Variants in ITGA1 observed in about 807,000 individuals in gnomAD.
The protein encoded by ITGA1 is integrin subunit alpha 1.
In ITGA1, 85 loss-of-function variants were observed where a neutral mutation model predicts 145.9. The observed-to-expected ratio is 0.58, with a 90% CI of 0.49 to 0.70. ITGA1 has a LOEUF of 0.70. Ranked by LOEUF, ITGA1 falls within the 30% of genes least tolerant of loss-of-function variation. The pLI, the probability that ITGA1 is intolerant of heterozygous loss-of-function variation, is 0.00. For missense variants in ITGA1, 1,351 were observed against 1,418.7 expected (o/e 0.95, Z 0.77); for synonymous variants, 520 against 495.3 (o/e 1.05, Z -0.66).
At chr5:52,912,786 G>C (rs1037041708) in intron 14 of ITGA1, among the ~76,000 whole-genome samples, 1 of 146,140 alleles carries the variant, frequency 6.8e-6, no homozygotes, top group African/African-American at 2.6e-5. Context: ...TCGCTCTGTC[G>C]CCCAGGCTAG....
At chr5:52,949,532 G>C (rs188894949) in intron 28 of ITGA1, among the ~76,000 whole-genome samples, 1 of 152,242 alleles carries the variant, frequency 6.6e-6, no homozygotes, top group Admixed American at 6.5e-5. Context: ...ATGATTACTA[G>C]CTAGTAAATG....
At chr5:52,914,610 G>T (rs1038827341) in intron 14 of ITGA1, among the ~76,000 whole-genome samples, 1 of 151,608 alleles carries the variant, frequency 6.6e-6, no homozygotes, top group Non-Finnish European at 1.5e-5. Context: ...AAAAAAAAAG[G>T]GGGGGAAATA....
chr5:52,869,401 T>A (rs914956325), intron 6 of ITGA1, among the ~76,000 whole-genome samples: 1 of 152,208 alleles, frequency 6.6e-6, no homozygotes, highest in Admixed American at 6.5e-5. Context: ...CCACAGATGA[T>A]CCGCCTGCCT....
intron 12 of ITGA1, among the ~76,000 whole-genome samples, chr5:52,906,642 G>T (rs1750413400): frequency 6.6e-6 from 1 of 152,110 alleles, no homozygotes; most frequent in Non-Finnish European, 1.5e-5. Context: ...GGGAACTTTT[G>T]TTTCTAAAAA....
intron 1 of ITGA1, among the ~76,000 whole-genome samples, chr5:52,838,472 T>TTA (rs1458766075): frequency 6.6e-6 from 1 of 152,180 alleles, no homozygotes; most frequent in African/African-American, 2.4e-5. Context: ...GACCTTAATT[T>TTA]ATTAATGTTA....
Position 52,897,528 on chromosome 5 carries a change from G to A in ITGA1, c.1164G>A (p.Gln388=). The A allele has an allele frequency of 6.2e-7, 1 of 1,610,826 alleles. No individual in the cohort carries two copies. The highest frequency in any genetic ancestry group is 8.5e-7 in the Non-Finnish European group (1 of 1,177,352). Residue 388 remains glutamine (Q), a splice_region_variant and synonymous_variant, in exon 10 of 29, where the codon CAG becomes CAA. Transcript: ENST00000282588. ...CTGGCTTCAGTGCTCATTATTCACA[G>A]GTATGTTGACCAGTTGGTGAAAAAT... ...SQTGFSAHYS[Q]DWVMLGAVGA...
At chr5:52,872,464 C>T (rs1749791968) in intron 6 of ITGA1, among the ~76,000 whole-genome samples, 1 of 152,004 alleles carries the variant, frequency 6.6e-6, no homozygotes, top group African/African-American at 2.4e-5. Context: ...AATAACTCTT[C>T]TTGTTGCCTG....
intron 1 of ITGA1, among the ~76,000 whole-genome samples, chr5:52,838,843 T>C (rs547861699): frequency 6.6e-6 from 1 of 152,288 alleles, no homozygotes; most frequent in South Asian, 2.1e-4. Flanking sequence ...ACGCCTGTAA[T>C]CCCAGCACTT....
rs77966548 is a variant in ITGA1 at position 52,807,911 on chromosome 5, A to G, written c.61+19497A>G. On this transcript the variant is annotated intron_variant, in intron 1 of 28. Transcript: ENST00000282588. ...TAATGACTCACCTTAAGTAGCTAGA[A>G]CTATGCTACCCCTGGGTATGCAAGG... 2.8e-3 allele frequency among the ~76,000 whole-genome samples: 425 copies of G among 152,298 alleles called. 2 individuals are homozygous for G. The highest frequency in any genetic ancestry group is 5.1e-3 in the Non-Finnish European group (349 of 68,018).
At chr5:52,814,191 G>T (rs1186305737) in intron 1 of ITGA1, among the ~76,000 whole-genome samples, 1 of 152,166 alleles carries the variant, frequency 6.6e-6, no homozygotes, top group Non-Finnish European at 1.5e-5. Flanking sequence ...CTGTCACCCA[G>T]GCTGGAGTGC....
At chr5:52,817,943 T>C (rs1748803877) in intron 1 of ITGA1, among the ~76,000 whole-genome samples, 1 of 152,170 alleles carries the variant, frequency 6.6e-6, no homozygotes, top group African/African-American at 2.4e-5. Context: ...GACTCTATCA[T>C]GGTATGGCAA....
intron 1 of ITGA1, among the ~76,000 whole-genome samples, chr5:52,794,534 C>CA (rs1195412020): frequency 2.0e-5 from 3 of 150,640 alleles, no homozygotes; most frequent in Non-Finnish European, 4.5e-5. Context: ...CACACACACA[C>CA]ACTTCTGTTC....
intron 1 of ITGA1, among the ~76,000 whole-genome samples, chr5:52,842,934 C>T (rs542601848): frequency 3.2e-4 from 49 of 152,152 alleles, no homozygotes; most frequent in African/African-American, 1.1e-3. Context: ...TGAGGTGATC[C>T]GCCTGACTTG....
At chr5:52,911,275 T>G (rs1750520224) in intron 14 of ITGA1, among the ~76,000 whole-genome samples, 1 of 135,746 alleles carries the variant, frequency 7.4e-6, no homozygotes, top group Admixed American at 7.7e-5. Context: ...GTATATGTAG[T>G]GTATATATAG....
intron 15 of ITGA1, among the ~76,000 whole-genome samples, chr5:52,918,091 GCTTT>G (rs1337849949): frequency 1.3e-5 from 2 of 152,088 alleles, no homozygotes; most frequent in Non-Finnish European, 2.9e-5. Context: ...ACATTACTGG[GCTTT>G]CGAGTTAAAA....
chr5:52,819,560 T>A (rs1748833814), intron 1 of ITGA1, among the ~76,000 whole-genome samples: 1 of 152,254 alleles, frequency 6.6e-6, no homozygotes, highest in Admixed American at 6.5e-5. Flanking sequence ...CTTTGTCAGA[T>A]GAGTAGATTG....
intron 1 of ITGA1, chr5:52,800,548 T>C (rs1748449473): frequency 6.2e-7 from 1 of 1,613,900 alleles, no homozygotes; most frequent in East Asian, 2.2e-5. Flanking sequence ...GACAGAGTCC[T>C]CCACGGGCAG....
chr5:52,877,680 C>T (rs1262036499), intron 6 of ITGA1, among the ~76,000 whole-genome samples: 1 of 152,224 alleles, frequency 6.6e-6, no homozygotes, highest in Non-Finnish European at 1.5e-5. Flanking sequence ...TGAGGTAGTC[C>T]TGCCTGGCAG....
intron 1 of ITGA1, among the ~76,000 whole-genome samples, chr5:52,812,789 C>CTTTTTTT (rs61600951): frequency 4.6e-5 from 4 of 86,114 alleles, no homozygotes; most frequent in Non-Finnish European, 8.6e-5. Context: ...CTTCTTATCG[C>CTTTTTTT]TTTTTTTTTT....
Sources: gnomAD v4.1 joint callset for allele counts (sites outside exome capture counted in the v4.1 genomes callset) on GRCh38, gnomAD v4.1.1 for gene constraint, MANE v1.5 for transcripts, NCBI Gene and HGNC (gene_info 2026-07-23, HGNC 2026-07-21) for gene names.